The following PKHD1 variants were observed in gnomAD, a reference collection of about 807,000 sequenced individuals.
PKHD1 encodes the protein fibrocystin.
In PKHD1, 291 loss-of-function variants were observed where a neutral mutation model predicts 412.0. The ratio of observed to expected loss-of-function variants is 0.71; its 90% CI spans 0.64 to 0.78. The LOEUF (loss-of-function observed/expected upper bound fraction) is 0.78, where lower values mean the gene tolerates loss of function less well. PKHD1 is among the 30% of genes least tolerant of loss of function. PKHD1 has a pLI of 0.00. For missense variants in PKHD1, 4,825 were observed against 4,950.7 expected (o/e 0.97, Z 0.76); for synonymous variants, 1,777 against 1,821.5 (o/e 0.98, Z 0.62).
In PKHD1 at chr6:52,025,470, A is replaced by G. The variant is rs1229096138; in HGVS notation, c.4340T>C (p.Leu1447Pro). The G allele has an allele frequency of 6.2e-7, 1 of 1,610,962 alleles. No individual in the cohort carries two copies. The highest frequency in any genetic ancestry group is 2.2e-5 in the East Asian group (1 of 44,852). The change falls in exon 32 of 67, where the codon CTG becomes CCG. Residue 1447 changes from leucine (L) to proline (P), a missense_variant. By Grantham distance (98) the Leu-to-Pro change is moderately conservative. Coordinates refer to ENST00000371117, the MANE Select transcript of PKHD1 (RefSeq NM_138694.4). ...GDHTILCQVS[L>P]EGDPLPGASF... ...AGCTCCAGGCAAGGGGTCACCCTCC[A>G]GGCTAACCTGGCAGAGAATGGTGTG...
intron 37 of PKHD1, among the ~76,000 whole-genome samples, chr6:51,927,443 C>G (rs963026048): frequency 3.9e-5 from 6 of 152,186 alleles, no homozygotes; most frequent in Admixed American, 6.5e-5. Flanking sequence ...GGAGCAGAGT[C>G]CACTCCATCA....
intron 60 of PKHD1, among the ~76,000 whole-genome samples, chr6:51,713,386 GAA>G (rs967059564): frequency 4.6e-5 from 7 of 152,096 alleles, no homozygotes; most frequent in Admixed American, 2.6e-4. Flanking sequence ...CTGTGATGGG[GAA>G]AAAAAGTTTG....
In PKHD1 at chr6:51,659,368, G is replaced by T. The variant is rs2150413738; in HGVS notation, c.10758C>A (p.Asn3586Lys). 1 of 1,613,764 alleles carries T rather than the reference G, an allele frequency of 6.2e-7. No homozygotes were observed. Among genetic ancestry groups the T allele is most frequent in the East Asian group, 2.2e-5 (1 of 44,846 alleles). Residue 3586 changes from asparagine (N) to lysine (K), a missense_variant, in exon 61 of 67, where the codon AAC (asparagine) becomes AAA (lysine). Transcript: ENST00000371117. ...TTTGGTTTTGGCCAATCTGTAAGAA[G>T]TTAGTTAGTCTTTCGAGTATTACTA... ...WEIVILERLTNFLQIGQNQIR... is the reference protein window; with the variant it reads ...WEIVILERLTKFLQIGQNQIR...
chr6:52,021,205 T>C (rs1252930528), intron 33 of PKHD1, among the ~76,000 whole-genome samples: 2 of 152,240 alleles, frequency 1.3e-5, no homozygotes, highest in Non-Finnish European at 2.9e-5. Context: ...TCCAACTAAT[T>C]TTCCTCTTTA....
intron 38 of PKHD1, 37 bp downstream of exon 38, chr6:51,912,329 T>C: frequency 7.7e-7 from 1 of 1,304,006 alleles, no homozygotes; most frequent in African/African-American, 1.4e-5. Context: ...GATCTCATCT[T>C]CTTCCATGTC....
At chr6:51,685,165 G>A (rs1447806210) in intron 60 of PKHD1, among the ~76,000 whole-genome samples, 1 of 152,012 alleles carries the variant, frequency 6.6e-6, no homozygotes, top group Non-Finnish European at 1.5e-5. Flanking sequence ...TACACATCTG[G>A]CCAATTCTTT....
rs982874 is a variant in PKHD1, at chr6:51,870,463, G to C, written c.7486+41C>G. 21 of 1,511,384 alleles carry C rather than the reference G, an allele frequency of 1.4e-5. No homozygotes were observed. The Admixed American group carries it at 2.0e-4, about 14-fold the overall frequency. 93.6% of individuals were successfully genotyped at this position (1,511,384 alleles called of 1,614,324 possible). A position where few individuals can be genotyped will look rare whatever the true frequency, so the allele number is the denominator to read the frequency against. Reference sequence around the variant, plus strand: ...CTATTTATAATACTGACTTGAATATGGGCCTTATTTATCATCTGTTCTGTC... The same window carrying C: ...CTATTTATAATACTGACTTGAATATCGGCCTTATTTATCATCTGTTCTGTC... On this transcript the variant is annotated intron_variant, in intron 47 of 66. Coordinates refer to ENST00000371117, the MANE Select transcript of PKHD1 (RefSeq NM_138694.4).
chr6:51,944,370 C>T (rs1193269857), intron 36 of PKHD1, among the ~76,000 whole-genome samples: 1 of 152,230 alleles, frequency 6.6e-6, no homozygotes, highest in East Asian at 1.9e-4. Context: ...GTGAAATAAA[C>T]AGCCTTGTTG....
At chr6:51,868,302 G>T (rs1389637736) in intron 47 of PKHD1, among the ~76,000 whole-genome samples, 193 bp from the exon 48 acceptor site, 1 of 152,136 alleles carries the variant, frequency 6.6e-6, no homozygotes, top group Non-Finnish European at 1.5e-5. Flanking sequence ...TGGTGTGCTA[G>T]AGATACTAAG....
intron 36 of PKHD1, among the ~76,000 whole-genome samples, chr6:51,956,224 CAT>C (rs1357269189): frequency 6.6e-6 from 1 of 151,662 alleles, no homozygotes; most frequent in African/African-American, 2.4e-5. Flanking sequence ...TATATATAGA[CAT>C]ATGTGTGTAT....
At chr6:52,086,719 C>G (rs1812852600) in intron 1 of PKHD1, among the ~76,000 whole-genome samples, 1 of 152,208 alleles carries the variant, frequency 6.6e-6, no homozygotes, top group South Asian at 2.1e-4. Flanking sequence ...GTGGAGGCTA[C>G]TTGGATTTAA....
rs533891065 is a variant in PKHD1, at chr6:51,825,701, A to C, written c.8302+5160T>G. The stretch of plus-strand genomic sequence containing the variant: ...CCCATAAAATTGTAAGCAAAATAAA[A>C]TGTGTGTTTTATGCTGTTAGGTTTC... On this transcript the variant is annotated intron_variant, in intron 52 of 66. Coordinates refer to ENST00000371117, the MANE Select transcript of PKHD1 (RefSeq NM_138694.4). Among the ~76,000 whole-genome samples the C allele has an allele frequency of 7.9e-5, 12 of 152,222 alleles. No homozygotes were observed. The South Asian group carries it at 2.3e-3, about 29-fold the overall frequency.
chr6:51,834,843 T>C (rs2151539072), intron 51 of PKHD1, among the ~76,000 whole-genome samples: 2 of 152,290 alleles, frequency 1.3e-5, no homozygotes, highest in Middle Eastern at 6.8e-3. Flanking sequence ...TAATCTATGC[T>C]CAATAAGGCA....
chr6:51,807,300 T>C (rs865804675), intron 52 of PKHD1, among the ~76,000 whole-genome samples: 1 of 151,540 alleles, frequency 6.6e-6, no homozygotes, highest in African/African-American at 2.4e-5. Context: ...TAGCCAGGCA[T>C]GGTGGCTCAT....
At chr6:51,740,579 A>G (rs1197007514) in intron 60 of PKHD1, among the ~76,000 whole-genome samples, 2 of 152,242 alleles carry the variant, frequency 1.3e-5, no homozygotes. Flanking sequence ...ACTGAAGATG[A>G]TAATAGATTC....
intron 52 of PKHD1, among the ~76,000 whole-genome samples, chr6:51,796,840 G>A (rs1171283646): frequency 7.1e-6 from 1 of 140,526 alleles, no homozygotes; most frequent in Admixed American, 7.6e-5. Flanking sequence ...TTTGGAGACA[G>A]AGTCTCATCA....
chr6:51,716,842 G>A (rs1042006767), intron 60 of PKHD1, among the ~76,000 whole-genome samples: 3 of 152,000 alleles, frequency 2.0e-5, no homozygotes, highest in African/African-American at 7.3e-5. Context: ...CCACATGTAG[G>A]ATAAGCCCTT....
At chr6:51,932,226 C>T (rs1316500034) in intron 37 of PKHD1, among the ~76,000 whole-genome samples, 2 of 152,190 alleles carry the variant, frequency 1.3e-5, no homozygotes, top group Admixed American at 1.3e-4. Context: ...GGCTTACATG[C>T]ACAACGTACA....
intron 43 of PKHD1, 61 bp from the exon 44 acceptor site, chr6:51,887,306 G>C (rs1778372660): frequency 1.9e-6 from 2 of 1,057,476 alleles, no homozygotes; most frequent in Non-Finnish European, 3.0e-6. Flanking sequence ...TTGCTGGAAA[G>C]AAAGACTCTT....
Sources: allele counts gnomAD v4.1 joint callset (sites outside exome capture counted in the v4.1 genomes callset), GRCh38; gene constraint gnomAD v4.1.1; transcripts MANE v1.5; gene names NCBI Gene and HGNC (gene_info 2026-07-23, HGNC 2026-07-21).